DST: variants seen among roughly 807,000 people sequenced by gnomAD.
DST encodes the protein dystonin.
DST carries 253 observed loss-of-function variants against 875.2 expected under a neutral mutation model. The ratio of observed to expected loss-of-function variants is 0.29; its 90% CI spans 0.26 to 0.32. The LOEUF is 0.32. Among genes scored for constraint, DST ranks in the 10% least tolerant of loss-of-function variants. The pLI, the probability that DST is intolerant of heterozygous loss-of-function variation, is 1.00. For missense variants in DST, 8,287 were observed against 9,111.6 expected (o/e 0.91, Z 3.68); for synonymous variants, 3,124 against 3,197.1 (o/e 0.98, Z 0.77).
intron 90 of DST, among the ~76,000 whole-genome samples, chr6:56,479,220 C>A (rs1162296483): frequency 6.6e-6 from 1 of 152,076 alleles, no homozygotes; most frequent in Non-Finnish European, 1.5e-5. Flanking sequence ...ATTAAAGCCA[C>A]CCTGAGATAT....
At chr6:56,708,855 C>T (rs1479822677) in intron 5 of DST, among the ~76,000 whole-genome samples, 4 of 152,168 alleles carry the variant, frequency 2.6e-5, no homozygotes, top group Non-Finnish European at 4.4e-5. Context: ...TTTTATTTTA[C>T]CCTAGGAGTG....
chr6:56,550,342 T>C (rs2097301548), intron 61 of DST, among the ~76,000 whole-genome samples: 1 of 152,192 alleles, frequency 6.6e-6, no homozygotes, highest in Non-Finnish European at 1.5e-5. Flanking sequence ...CCAAATAATC[T>C]GAAAGCAAAC....
chr6:56,842,060 T>A (rs1401768451), intron 4 of DST, among the ~76,000 whole-genome samples: 1 of 151,674 alleles, frequency 6.6e-6, no homozygotes, highest in African/African-American at 2.4e-5. Context: ...TTTTGGGGCT[T>A]TGGAATTTTA....
chr6:56,551,566 T>C (rs547757835), intron 61 of DST, among the ~76,000 whole-genome samples: 3 of 152,300 alleles, frequency 2.0e-5, no homozygotes, highest in South Asian at 4.1e-4. Context: ...TTAAGTGTCA[T>C]TGATCACTGT....
At chr6:56,513,962 G>A (rs1343893611) in intron 72 of DST, among the ~76,000 whole-genome samples, 1 of 152,102 alleles carries the variant, frequency 6.6e-6, no homozygotes, top group African/African-American at 2.4e-5. Context: ...CTGTAGAGCT[G>A]GAAAAGAAAT....
At chr6:56,810,833 T>C (rs572586382) in intron 4 of DST, among the ~76,000 whole-genome samples, 1 of 152,196 alleles carries the variant, frequency 6.6e-6, no homozygotes, top group South Asian at 2.1e-4. Context: ...CCTTTCAGGC[T>C]GGAACACCTC....
intron 5 of DST, among the ~76,000 whole-genome samples, chr6:56,723,555 A>C (rs1236161384): frequency 2.6e-5 from 4 of 151,948 alleles, no homozygotes; most frequent in Non-Finnish European, 5.9e-5. Flanking sequence ...AAAGAGCCAA[A>C]CTCTGTTTCA....
intron 38 of DST, 103 bp downstream of exon 38, chr6:56,611,405 C>T (rs2098543661): frequency 1.4e-6 from 1 of 732,690 alleles, no homozygotes. Context: ...AGTTTGAGTC[C>T]CATATTTAAC....
intron 5 of DST, among the ~76,000 whole-genome samples, chr6:56,729,711 T>C (rs1020902743): frequency 1.3e-5 from 2 of 152,204 alleles, no homozygotes; most frequent in Non-Finnish European, 2.9e-5. Context: ...AATAGAGCTT[T>C]TTTTTCTGTT....
intron 4 of DST, among the ~76,000 whole-genome samples, chr6:56,764,336 T>C (rs993260722): frequency 6.6e-6 from 1 of 152,198 alleles, no homozygotes; most frequent in Non-Finnish European, 1.5e-5. Context: ...CCATATACTA[T>C]TCTGCTTGGC....
chr6:56,805,259 T>C (rs908989818), intron 4 of DST, among the ~76,000 whole-genome samples: 1 of 152,136 alleles, frequency 6.6e-6, no homozygotes, highest in Non-Finnish European at 1.5e-5. Context: ...ATACCTTCCT[T>C]ATGACTGAGT....
At chr6:56,678,991 T>C (rs920734702) in intron 9 of DST, among the ~76,000 whole-genome samples, 2 of 152,220 alleles carry the variant, frequency 1.3e-5, no homozygotes, top group Admixed American at 1.3e-4. Flanking sequence ...GAACTGCTCA[T>C]TCCCTGGGCT....
chr6:56,577,526 A>T (rs1432957019), intron 50 of DST, among the ~76,000 whole-genome samples: 1 of 152,204 alleles, frequency 6.6e-6, no homozygotes, highest in Non-Finnish European at 1.5e-5. Context: ...CAGGCTGAAG[A>T]TCATTTTTGA....
At chr6:56,511,924 G>A (rs2096485552) in intron 72 of DST, among the ~76,000 whole-genome samples, 1 of 152,132 alleles carries the variant, frequency 6.6e-6, no homozygotes, top group Non-Finnish European at 1.5e-5. Flanking sequence ...TAGATGCAAT[G>A]CTGAGACAAA....
intron 4 of DST, among the ~76,000 whole-genome samples, chr6:56,833,264 A>C (rs538864442): frequency 6.6e-6 from 1 of 152,318 alleles, no homozygotes; most frequent in Admixed American, 6.5e-5. Context: ...AATCACATGT[A>C]ATCATTTACG....
Position 56,560,398 on chromosome 6 carries a change from T to A in DST, c.14336A>T (p.Asn4779Ile). The change falls in exon 58 of 104, where the codon AAT (asparagine) becomes ATT (isoleucine). Residue 4779 changes from asparagine (N) to isoleucine (I), a missense_variant. By Grantham distance (149) the Asn-to-Ile change is moderately radical (BLOSUM62 -3). Coordinates refer to ENST00000680361, the MANE Select transcript of DST (RefSeq NM_001374736.1). ...TTTCAACTCCTGTACTTTGTTTACATTCTGCTTCAGTTCTGCCTCAAACGA... is the reference window on the plus strand; with the variant it reads ...TTTCAACTCCTGTACTTTGTTTACAATCTGCTTCAGTTCTGCCTCAAACGA... ...NKSFEAELKQ[N>I]VNKVQELKDK... The A allele has an allele frequency of 6.2e-7, 1 of 1,601,846 alleles. No individual in the cohort carries two copies. The highest frequency in any genetic ancestry group is 1.7e-5 in the Admixed American group (1 of 58,300).
chr6:56,750,864 G>T (rs1479012764), intron 4 of DST, among the ~76,000 whole-genome samples: 1 of 152,128 alleles, frequency 6.6e-6, no homozygotes, highest in East Asian at 1.9e-4. Context: ...CTTTAAAAGT[G>T]TTCATAATGT....
chr6:56,677,271 C>T (rs961279929), intron 9 of DST, among the ~76,000 whole-genome samples: 9 of 152,236 alleles, frequency 5.9e-5, no homozygotes, highest in Admixed American at 5.9e-4. Flanking sequence ...CACTACTTAT[C>T]TATCTATCCA....
At chr6:56,708,517 C>T (rs2152889623) in intron 5 of DST, among the ~76,000 whole-genome samples, 1 of 151,854 alleles carries the variant, frequency 6.6e-6, no homozygotes, top group East Asian at 1.9e-4. Context: ...CACAGAAATA[C>T]TGTATATGGA....
Sources: gnomAD v4.1 joint callset for allele counts (sites outside exome capture counted in the v4.1 genomes callset) on GRCh38, gnomAD v4.1.1 for gene constraint, MANE v1.5 for transcripts, NCBI Gene and HGNC (gene_info 2026-07-23, HGNC 2026-07-21) for gene names.